The following TMEM170A variants were observed in gnomAD, a reference collection of about 807,000 sequenced individuals.
TMEM170A encodes the protein transmembrane protein 170.
In TMEM170A, 18 loss-of-function variants were observed where a neutral mutation model predicts 12.8. The observed-to-expected ratio is 1.41, with a 90% CI of 0.97 to 2.09. TMEM170A has a LOEUF of 2.09. TMEM170A is among the 30% of genes most tolerant of loss of function. TMEM170A has a pLI of 0.00. For synonymous variants in TMEM170A, 107 were observed against 76.2 expected, an observed-to-expected ratio of 1.40 and a Z score of -2.11; for missense variants, 220 against 179.9, an observed-to-expected ratio of 1.22 and a Z score of -1.28.
intron 1 of TMEM170A, among the ~76,000 whole-genome samples, chr16:75,452,310 C>T (rs2151633716): frequency 6.6e-6 from 1 of 152,130 alleles, no homozygotes; most frequent in South Asian, 2.1e-4. Flanking sequence ...ACTCCGTCAC[C>T]CAGGCTGCAG....
In TMEM170A at chr16:75,451,665, A is replaced by G; in HGVS notation, c.304+4T>C. On this transcript the variant is annotated splice_donor_region_variant and intron_variant, in intron 2 of 2. Coordinates refer to ENST00000561878, the MANE Select transcript of TMEM170A (RefSeq NM_145254.3). Reference sequence around the variant, plus strand: ...TTTGACTGGTATTTTAATGTCTAACATACTTGTCAAGATTCCAGCAGTAAT... The same window carrying G: ...TTTGACTGGTATTTTAATGTCTAACGTACTTGTCAAGATTCCAGCAGTAAT... 2 of 1,614,182 alleles carry G rather than the reference A, an allele frequency of 1.2e-6. No homozygotes were observed. Among genetic ancestry groups the G allele is most frequent in the East Asian group, 2.2e-5 (1 of 44,886 alleles).
chr16:75,463,527 C>G (rs965232000), intron 1 of TMEM170A, among the ~76,000 whole-genome samples: 1 of 152,176 alleles, frequency 6.6e-6, no homozygotes, highest in Non-Finnish European at 1.5e-5. Context: ...GATGAGAAAT[C>G]ACAGGTGCCT....
chr16:75,447,367 T>C lies in TMEM170A; in HGVS notation c.*191A>G, dbSNP rs79822972. The stretch of plus-strand genomic sequence containing the variant: ...AAAGACTTGTTTTGGTTGAGAACAA[T>C]AGGAGTCCACATAAGTCTTCAATTC... On this transcript the variant is annotated 3_prime_UTR_variant, in exon 3 of 3. Transcript: ENST00000561878. 5.1e-3 allele frequency: 2,466 copies of C among 484,582 alleles called. 43 individuals are homozygous for C. The highest frequency in any genetic ancestry group is 0.044 in the African/African-American group (2,180 of 50,000). The allele number at this position is 484,582 out of a possible 1,614,324, so 30.0% of individuals were successfully genotyped here. A position where few individuals can be genotyped will look rare whatever the true frequency, so the allele number is the denominator to read the frequency against.
chr16:75,464,384 G>GGA, intron 1 of TMEM170A, 84 bp downstream of exon 1: 1 of 1,375,504 alleles, frequency 7.3e-7, no homozygotes. Flanking sequence ...TGCGCACCCG[G>GGA]GACCCCGCCC....
Position 75,463,349 on chromosome 16 carries a change from C to T in TMEM170A, c.133+1119G>A, listed in dbSNP as rs202052768. 1.8e-4 allele frequency among the ~76,000 whole-genome samples: 25 copies of T among 141,090 alleles called. No homozygotes were observed. In the East Asian group the frequency reaches 4.8e-3, roughly 27 times the overall value. The allele number at this position is 141,090 out of a possible 152,430, so 92.6% of individuals were successfully genotyped here. On this transcript the variant is annotated intron_variant, in intron 1 of 2. Coordinates refer to ENST00000561878, the MANE Select transcript of TMEM170A (RefSeq NM_145254.3). The stretch of plus-strand genomic sequence containing the variant: ...GCACCTTCTGAAATAACGTGAGCTG[C>T]CAGATTCTCATTTCAGGAATGACCA...
chr16:75,464,246 T>C, intron 1 of TMEM170A: 1 of 1,501,902 alleles, frequency 6.7e-7, no homozygotes. Context: ...GGCCGCTCTC[T>C]GCATCTCACG....
chr16:75,454,994 T>C (rs1243380160), intron 1 of TMEM170A, among the ~76,000 whole-genome samples: 2 of 152,224 alleles, frequency 1.3e-5, no homozygotes, highest in East Asian at 1.9e-4. Flanking sequence ...GTCACCTGCA[T>C]GGCTATCACT....
rs1957663405 is a variant in TMEM170A, at chr16:75,463,604, G to A, written c.133+864C>T. Among the ~76,000 whole-genome samples the A allele has an allele frequency of 2.0e-5, 3 of 152,222 alleles. No individual in the cohort carries two copies. The South Asian group carries it at 6.2e-4, about 31-fold the overall frequency. On this transcript the variant is annotated intron_variant, in intron 1 of 2. Transcript: ENST00000561878. ...GCTCTGGTCCCTCATTGTTTATGAA[G>A]ACCTCAGTCCCCTCTGCTGGGAGCC...
rs1381082020 is a variant in TMEM170A at position 75,443,599 on chromosome 16, T to A, written c.*3959A>T. 1 of 152,076 alleles carries A rather than the reference T, an allele frequency of 6.6e-6. No individual in the cohort carries two copies. Among genetic ancestry groups the A allele is most frequent in the African/African-American group, 2.4e-5 (1 of 41,400 alleles). 9.4% of individuals were successfully genotyped at this position (152,076 alleles called of 1,614,324 possible). On this transcript the variant is annotated 3_prime_UTR_variant, in exon 3 of 3. Transcript: ENST00000561878. Reference sequence around the variant, plus strand: ...ACTGGAGGCAAAAGCCAAAATACAATTTAAAATCTTAAAAAAAATAAGGAA... The same window carrying A: ...ACTGGAGGCAAAAGCCAAAATACAAATTAAAATCTTAAAAAAAATAAGGAA...
At position 75,446,117 on chromosome 16, in the gene TMEM170A, G is replaced by A. The variant is rs1293016037; in HGVS notation, c.*1441C>T. On this transcript the variant is annotated 3_prime_UTR_variant, in exon 3 of 3. Coordinates refer to ENST00000561878, the MANE Select transcript of TMEM170A (RefSeq NM_145254.3). ...TTGAACCCGGGTGGCAGAGGTTGGA[G>A]TGAGCTGAGATTGCACCACTGCACT... is the stretch of plus-strand genomic sequence containing the variant. The A allele has an allele frequency of 5.3e-5, 8 of 151,676 alleles. No individual in the cohort carries two copies. The highest frequency in any genetic ancestry group is 1.9e-4 in the African/African-American group (8 of 41,260). 9.4% of individuals were successfully genotyped at this position (151,676 alleles called of 1,614,324 possible).
At position 75,464,679 on chromosome 16, in the gene TMEM170A, G is replaced by C. The variant is rs1022565869; in HGVS notation, c.-79C>G. The C allele has an allele frequency of 6.6e-7, 1 of 1,505,066 alleles. No homozygotes were observed. Among genetic ancestry groups the C allele is most frequent in the South Asian group, 1.2e-5 (1 of 80,930 alleles). The allele number at this position is 1,505,066 out of a possible 1,614,324, so 93.2% of individuals were successfully genotyped here. ...CGGCCGGCGCCGACTCACCCTCGCC[G>C]CCTCAGCGTCACCTCCAGCCGGGGT... On this transcript the variant is annotated 5_prime_UTR_variant, in exon 1 of 3. Coordinates refer to ENST00000561878, the MANE Select transcript of TMEM170A (RefSeq NM_145254.3).
At chr16:75,462,207 C>A (rs1189305506) in intron 1 of TMEM170A, among the ~76,000 whole-genome samples, 2 of 152,212 alleles carry the variant, frequency 1.3e-5, no homozygotes, top group Admixed American at 6.5e-5. Context: ...AATGAAGATA[C>A]AAATTGACAT....
rs371743640 is a variant in TMEM170A, at chr16:75,447,577, C to T, written c.416G>A (p.Arg139Gln). 8.1e-6 allele frequency: 13 copies of T among 1,611,390 alleles called. No individual in the cohort carries two copies. Among genetic ancestry groups the T allele is most frequent in the African/African-American group, 2.7e-5 (2 of 74,480 alleles). ...TGTATGCTATAGAGTAGCTAAAATCCGTAAAAAGGAGACCACCAAGACGCA... is the reference window on the plus strand; with the variant it reads ...TGTATGCTATAGAGTAGCTAAAATCTGTAAAAAGGAGACCACCAAGACGCA... ...TFCVLVVSFL[R>Q]ILATL is the part of the protein sequence containing the mutation. The change falls in exon 3 of 3, where the codon CGG becomes CAG. Residue 139 changes from arginine (R) to glutamine (Q), a missense_variant. Physicochemically the swap from Arg to Gln is conservative, Grantham distance 43. Transcript: ENST00000561878.
At chr16:75,458,879 T>G (rs1157162697) in intron 1 of TMEM170A, 1 of 152,146 alleles carries the variant, frequency 6.6e-6, no homozygotes, top group Non-Finnish European at 1.5e-5. Context: ...GAGGATATAT[T>G]TTTACAGAGA....
intron 1 of TMEM170A, among the ~76,000 whole-genome samples, chr16:75,454,459 T>TACACACACACACACACAC (rs71380746): frequency 7.3e-5 from 11 of 149,928 alleles, no homozygotes; most frequent in African/African-American, 2.7e-4. Flanking sequence ...TCTCTAAAAA[T>TACACACACACACACACAC]ACACACACAT....
At chr16:75,457,379 G>C (rs1206913013) in intron 1 of TMEM170A, among the ~76,000 whole-genome samples, 2 of 152,164 alleles carry the variant, frequency 1.3e-5, no homozygotes, top group African/African-American at 2.4e-5. Flanking sequence ...TACTATTCCT[G>C]TGTTAAACCC....
chr16:75,459,816 C>G (rs1398331600), intron 1 of TMEM170A: 1 of 152,086 alleles, frequency 6.6e-6, no homozygotes, highest in Non-Finnish European at 1.5e-5. Flanking sequence ...AAGATCACAC[C>G]ATTGCACTCC....
At chr16:75,458,717 G>A (rs2079843993) in intron 1 of TMEM170A, 1 of 152,016 alleles carries the variant, frequency 6.6e-6, no homozygotes, top group South Asian at 2.1e-4. Context: ...CTAAATTTGT[G>A]GAATTAATTA....
chr16:75,454,134 T>C (rs2079739604), intron 1 of TMEM170A, among the ~76,000 whole-genome samples: 1 of 150,640 alleles, frequency 6.6e-6, no homozygotes, highest in African/African-American at 2.4e-5. Flanking sequence ...TATTGACATT[T>C]GGACCAGATA....
Sources: gnomAD v4.1 joint callset for allele counts (sites outside exome capture counted in the v4.1 genomes callset) on GRCh38, gnomAD v4.1.1 for gene constraint, MANE v1.5 for transcripts, NCBI Gene and HGNC (gene_info 2026-07-23, HGNC 2026-07-21) for gene names.